Variants in JARID2 observed in about 807,000 individuals in gnomAD.
JARID2 encodes the protein protein Jumonji.
A neutral mutation model predicts 125.6 loss-of-function variants in JARID2; 21 were observed. That is an observed-to-expected ratio of 0.17 (90% CI 0.12 to 0.24). The LOEUF (loss-of-function observed/expected upper bound fraction) is 0.24. Among genes scored for constraint, JARID2 ranks in the 10% least tolerant of loss-of-function variants. The pLI is 1.00. For missense variants in JARID2, 1,303 were observed against 1,639.6 expected, an observed-to-expected ratio of 0.79 and a Z score of 3.55; for synonymous variants, 736 against 661.6, an observed-to-expected ratio of 1.11 and a Z score of -1.73.
intron 1 of JARID2, among the ~76,000 whole-genome samples, chr6:15,348,460 T>A (rs1165190666): frequency 6.6e-6 from 1 of 152,226 alleles, no homozygotes; most frequent in African/African-American, 2.4e-5. Flanking sequence ...GTGGAGGGGT[T>A]CTCAGTATTT....
intron 1 of JARID2, among the ~76,000 whole-genome samples, chr6:15,257,576 T>C (rs116261887): frequency 2.1e-3 from 323 of 152,338 alleles, no homozygotes; most frequent in African/African-American, 7.4e-3. Flanking sequence ...AAATGATGCA[T>C]GCAGCCTGCT....
At chr6:15,419,435 T>A (rs935320836) in intron 3 of JARID2, among the ~76,000 whole-genome samples, 22 of 152,352 alleles carry the variant, frequency 1.4e-4, no homozygotes, top group Admixed American at 4.6e-4. Context: ...TTTCAAGTTA[T>A]CTACGTAGTT....
chr6:15,452,294 G>A (rs1399348788), intron 4 of JARID2, 119 bp downstream of exon 4: 1 of 1,420,158 alleles, frequency 7.0e-7, no homozygotes, highest in Non-Finnish European at 9.3e-7. Flanking sequence ...CCCAACCTGG[G>A]TTGAGGGGGA....
At chr6:15,264,316 G>C (rs1759997019) in intron 1 of JARID2, among the ~76,000 whole-genome samples, 1 of 152,114 alleles carries the variant, frequency 6.6e-6, no homozygotes, top group Admixed American at 6.6e-5. Context: ...TAGTCCTCAG[G>C]TTCATTGTCA....
intron 5 of JARID2, among the ~76,000 whole-genome samples, chr6:15,473,692 T>G (rs191916907): frequency 6.6e-6 from 1 of 152,120 alleles, no homozygotes; most frequent in South Asian, 2.1e-4. Context: ...ACCAAGTCTT[T>G]TGTGAAGTCA....
At chr6:15,288,570 C>G (rs1223412928) in intron 1 of JARID2, among the ~76,000 whole-genome samples, 4 of 152,134 alleles carry the variant, frequency 2.6e-5, no homozygotes, top group African/African-American at 9.7e-5. Flanking sequence ...ATAAGATCCA[C>G]AAGGGTGGGA....
chr6:15,370,583 T>A (rs1764130827), intron 1 of JARID2, among the ~76,000 whole-genome samples: 1 of 151,948 alleles, frequency 6.6e-6, no homozygotes, highest in South Asian at 2.1e-4. Flanking sequence ...CCTTGTGATC[T>A]GCCTGCCTCG....
intron 1 of JARID2, among the ~76,000 whole-genome samples, chr6:15,363,543 C>G (rs1763871939): frequency 6.6e-6 from 1 of 152,194 alleles, no homozygotes; most frequent in South Asian, 2.1e-4. Flanking sequence ...GAATGGCCTT[C>G]AAGTGCCTGC....
chr6:15,374,027 G>A (rs1016205940), intron 1 of JARID2, 90 bp from the exon 2 acceptor site: 13 of 1,485,276 alleles, frequency 8.8e-6, no homozygotes, highest in African/African-American at 1.4e-5. Context: ...GTACGTGTTC[G>A]GAAATTCCTT....
intron 1 of JARID2, among the ~76,000 whole-genome samples, chr6:15,368,181 G>A (rs1764042869): frequency 6.6e-6 from 1 of 152,004 alleles, no homozygotes; most frequent in Non-Finnish European, 1.5e-5. Context: ...ATACAACTTG[G>A]TTATATTATG....
At chr6:15,346,045 A>C (rs1763234300) in intron 1 of JARID2, among the ~76,000 whole-genome samples, 1 of 152,252 alleles carries the variant, frequency 6.6e-6, no homozygotes. Context: ...ATTATTATTC[A>C]GTGATTTTTC....
Position 15,483,388 on chromosome 6 carries a change from GT to G in JARID2, c.671-3907del, listed in dbSNP as rs56938840. 7.8e-3 allele frequency among the ~76,000 whole-genome samples: 1,159 copies of G among 148,702 alleles called. 13 individuals are homozygous for G. Among genetic ancestry groups the G allele is most frequent in the African/African-American group, 0.026 (1,052 of 40,684 alleles). On this transcript the variant is annotated intron_variant, in intron 5 of 17. Transcript: ENST00000341776. ...AGGTCATTCTTAAGTGAAACTGGCT[GT>G]TTTTTTTTTTTAACTGCTACTAATC...
At chr6:15,255,383 G>A (rs149404922) in intron 1 of JARID2, among the ~76,000 whole-genome samples, 2,649 of 152,256 alleles carry the variant, frequency 0.017, 36 homozygotes, top group Middle Eastern at 0.034. Flanking sequence ...GATTACAGGC[G>A]TGAGCCACTG....
intron 2 of JARID2, among the ~76,000 whole-genome samples, chr6:15,377,857 G>A (rs1187464427): frequency 6.8e-6 from 1 of 147,058 alleles, no homozygotes; most frequent in African/African-American, 2.5e-5. Flanking sequence ...CATGCAAGAT[G>A]TATGTTTTTT....
At chr6:15,271,273 G>C (rs1448947933) in intron 1 of JARID2, among the ~76,000 whole-genome samples, 1 of 152,160 alleles carries the variant, frequency 6.6e-6, no homozygotes, top group Non-Finnish European at 1.5e-5. Flanking sequence ...ATCACACAAG[G>C]ATCTTGTTAA....
At chr6:15,250,884 G>A (rs1322140668) in intron 1 of JARID2, among the ~76,000 whole-genome samples, 1 of 151,010 alleles carries the variant, frequency 6.6e-6, no homozygotes, top group Non-Finnish European at 1.5e-5. Context: ...ACAATCTTTT[G>A]GAGTATATAA....
rs1581315080 is a variant in JARID2, at chr6:15,246,526, A to G, written c.-14A>G. On this transcript the variant is annotated 5_prime_UTR_variant, in exon 1 of 18. Coordinates refer to ENST00000341776, the MANE Select transcript of JARID2 (RefSeq NM_004973.4). ...GCAATTGTCCCCTTTTGCAATCAGC[A>G]TTTGGATCTCAGAATGAGCAAGGAA... The G allele has an allele frequency of 6.2e-7, 1 of 1,612,326 alleles. No homozygotes were observed. Among genetic ancestry groups the G allele is most frequent in the Admixed American group, 1.7e-5 (1 of 59,946 alleles).
intron 3 of JARID2, among the ~76,000 whole-genome samples, chr6:15,433,926 GTGT>G (rs1767086034): frequency 4.2e-5 from 2 of 47,684 alleles, no homozygotes; most frequent in African/African-American, 2.5e-4. Flanking sequence ...TCCAGGGTGT[GTGT>G]GTGTGTGTGT....
At chr6:15,323,713 G>C (rs924793366) in intron 1 of JARID2, among the ~76,000 whole-genome samples, 44 of 152,024 alleles carry the variant, frequency 2.9e-4, no homozygotes, top group African/African-American at 9.4e-4. Context: ...ATCGCAACAT[G>C]GTGAGATTCT....
Sources: allele counts gnomAD v4.1 joint callset (sites outside exome capture counted in the v4.1 genomes callset), GRCh38; gene constraint gnomAD v4.1.1; transcripts MANE v1.5; gene names NCBI Gene and HGNC (gene_info 2026-07-23, HGNC 2026-07-21).